The following DMD variants were observed in gnomAD, a reference collection of about 807,000 sequenced individuals.
DMD encodes the protein dystrophin.
A neutral mutation model predicts 330.1 loss-of-function variants in DMD; 63 were observed. That is an observed-to-expected ratio of 0.19 (90% CI 0.16 to 0.24). DMD has a LOEUF of 0.24. DMD is among the 10% of genes least tolerant of loss of function. The pLI is 1.00. For synonymous variants in DMD, 1,223 were observed against 959.8 expected (o/e 1.27, Z -5.07); for missense variants, 3,344 against 2,684.1 (o/e 1.25, Z -5.43).
rs781391563 is a variant in DMD at position 31,754,203 on chromosome X, T to G, written c.7542+19757A>C. 9.8e-5 allele frequency among the ~76,000 whole-genome samples: 11 copies of G among 111,704 alleles called. No homozygotes were observed. The South Asian group carries it at 1.5e-3, about 15-fold the overall frequency. On this transcript the variant is annotated intron_variant, in intron 51 of 78. Coordinates refer to ENST00000357033, the MANE Select transcript of DMD (RefSeq NM_004006.3). ...TATTAGAAAGATTTCTGACAAGTAG[T>G]GTACGATTACAAATATCATCTACCT...
chrX:33,301,379 T>A (rs1166089251), intron 1 of DMD, among the ~76,000 whole-genome samples: 1 of 101,210 alleles, frequency 9.9e-6, no homozygotes, highest in East Asian at 3.2e-4. Flanking sequence ...TACTTCATGG[T>A]ATATTTTTTT....
At chrX:31,813,711 GA>G (rs2092530212) in intron 50 of DMD, among the ~76,000 whole-genome samples, 1 of 111,999 alleles carries the variant, frequency 8.9e-6, no homozygotes, top group South Asian at 3.7e-4. Flanking sequence ...TGCTATTCCA[GA>G]GATAATCTCC....
chrX:32,364,021 G>C lies in DMD; in HGVS notation c.5154+561C>G, dbSNP rs534936513. Among the ~76,000 whole-genome samples, 54 of 111,729 alleles carry C rather than the reference G, an allele frequency of 4.8e-4. 2 individuals are homozygous for C. The South Asian group carries it at 0.02, about 40-fold the overall frequency. The stretch of plus-strand genomic sequence containing the variant: ...AATCATTTTTTAAAGAAAAGATTAA[G>C]TTCCCCTTGAAAAAGAAGACAGGGC... On this transcript the variant is annotated intron_variant, in intron 36 of 78. Coordinates refer to ENST00000357033, the MANE Select transcript of DMD (RefSeq NM_004006.3).
intron 1 of DMD, among the ~76,000 whole-genome samples, chrX:33,107,059 C>A (rs2095294084): frequency 9.0e-6 from 1 of 111,716 alleles, no homozygotes; most frequent in Non-Finnish European, 1.9e-5. Flanking sequence ...CGCCTGTAAT[C>A]CCAGCACTTT....
intron 7 of DMD, 25 bp downstream of exon 7, chrX:32,809,468 A>C: frequency 9.0e-7 from 1 of 1,112,306 alleles, no homozygotes; most frequent in South Asian, 1.8e-5. Flanking sequence ...TACTAAAAGC[A>C]GTGGTAGTCC....
rs532676477 is a variant in DMD, at chrX:31,237,467, G to A, written c.9287-14346C>T. ...ACTTTTCTGGAGACTAGATGCTAAT[G>A]ATGAGATCCTGCTGAAGACACTAAT... On this transcript the variant is annotated intron_variant, in intron 63 of 78. Transcript: ENST00000357033. Among the ~76,000 whole-genome samples the A allele has an allele frequency of 1.1e-3, 120 of 112,452 alleles. 1 individual carries two copies. Among genetic ancestry groups the A allele is most frequent in the Middle Eastern group, 4.6e-3 (1 of 219 alleles).
chrX:31,134,036 G>T, intron 77 of DMD, 66 bp downstream of exon 77: 3 of 988,052 alleles, frequency 3.0e-6, no homozygotes, highest in Non-Finnish European at 4.3e-6. Context: ...ACACACACCA[G>T]TTGGGTAGGG....
chrX:33,007,772 T>C (rs1349215375), intron 2 of DMD, among the ~76,000 whole-genome samples: 1 of 111,586 alleles, frequency 9.0e-6, no homozygotes, highest in African/African-American at 3.3e-5. Flanking sequence ...GCATGTTTCC[T>C]TAAATATAAA....
chrX:32,803,632 C>A (rs1018480096), intron 7 of DMD, among the ~76,000 whole-genome samples: 1 of 111,908 alleles, frequency 8.9e-6, no homozygotes, highest in Admixed American at 9.5e-5. Flanking sequence ...ACTTCTTTAG[C>A]TGTGTCCCAC....
chrX:33,113,371 G>A lies in DMD; in HGVS notation c.32-93171C>T, dbSNP rs555374715. 4.1e-4 allele frequency among the ~76,000 whole-genome samples: 46 copies of A among 111,255 alleles called. No homozygotes were observed. The South Asian group carries it at 7.6e-3, about 18-fold the overall frequency. On this transcript the variant is annotated intron_variant, in intron 1 of 78. Transcript: ENST00000357033. ...CGTGCCCGGCCTCAACATTACTTTC[G>A]ATCTCAAGACTGGAAGTGCAGTACT...
At chrX:32,444,901 T>C (rs759642701) in intron 27 of DMD, among the ~76,000 whole-genome samples, 1 of 111,106 alleles carries the variant, frequency 9.0e-6, no homozygotes, top group African/African-American at 3.3e-5. Context: ...TTGGTATTCA[T>C]TTCCTGTTGA....
At chrX:32,376,361 G>T (rs188834762) in intron 34 of DMD, among the ~76,000 whole-genome samples, 2 of 111,580 alleles carry the variant, frequency 1.8e-5, no homozygotes, top group Non-Finnish European at 3.8e-5. Context: ...AATGCTAGTA[G>T]TACCTCTCTG....
chrX:31,470,850 G>A (rs1294089454), intron 59 of DMD, among the ~76,000 whole-genome samples: 1 of 112,396 alleles, frequency 8.9e-6, no homozygotes, highest in East Asian at 2.8e-4. Context: ...GCCCTGCCCA[G>A]AGAGAAGGAA....
chrX:32,251,845 G>A (rs1288176666), intron 43 of DMD, among the ~76,000 whole-genome samples: 1 of 110,440 alleles, frequency 9.1e-6, no homozygotes, highest in Non-Finnish European at 1.9e-5. Flanking sequence ...GCCAGGCATA[G>A]TGGCAAATGC....
chrX:32,412,231 C>T (rs769229719), intron 29 of DMD: 20 of 1,029,002 alleles, frequency 1.9e-5, no homozygotes, highest in East Asian at 1.1e-4. Context: ...TTTCTCAGGT[C>T]GAATGTTCCT....
intron 61 of DMD, among the ~76,000 whole-genome samples, chrX:31,338,943 C>A (rs1369409658): frequency 2.8e-4 from 18 of 64,094 alleles, no homozygotes; most frequent in Non-Finnish European, 3.5e-4. Context: ...CATCTATGCA[C>A]AAAAAAAAAA....
chrX:31,684,385 G>A (rs1230012767), intron 52 of DMD, among the ~76,000 whole-genome samples: 1 of 111,661 alleles, frequency 9.0e-6, no homozygotes, highest in Admixed American at 9.5e-5. Flanking sequence ...GAGAAGGTGC[G>A]TGTATTGAAC....
intron 11 of DMD, among the ~76,000 whole-genome samples, chrX:32,625,166 G>A (rs1272742281): frequency 1.8e-5 from 2 of 110,948 alleles, no homozygotes; most frequent in South Asian, 7.5e-4. Context: ...GTGAAACGCC[G>A]TTTCAAAAAA....
intron 2 of DMD, among the ~76,000 whole-genome samples, chrX:32,958,206 T>C (rs930280542): frequency 2.7e-5 from 3 of 111,516 alleles, no homozygotes; most frequent in Admixed American, 9.6e-5. Context: ...TCTGTGTTTA[T>C]GGTATATGGT....
Sources: gnomAD v4.1 joint callset for allele counts (sites outside exome capture counted in the v4.1 genomes callset) on GRCh38, gnomAD v4.1.1 for gene constraint, MANE v1.5 for transcripts, NCBI Gene and HGNC (gene_info 2026-07-23, HGNC 2026-07-21) for gene names.